Variants in SETD5 observed in about 807,000 individuals in gnomAD.
SETD5 encodes histone-lysine N-methyltransferase SETD5.
SETD5 carries 44 observed loss-of-function variants against 153.3 expected under a neutral mutation model. The observed-to-expected ratio is 0.29, with a 90% CI of 0.23 to 0.37. SETD5 has a LOEUF of 0.37. Ranked by LOEUF, SETD5 falls within the 10% of genes least tolerant of loss-of-function variation. SETD5 has a pLI of 1.00. For synonymous variants in SETD5, 716 were observed against 645.2 expected (o/e 1.11, Z -1.66); for missense variants, 1,544 against 1,768.0 (o/e 0.87, Z 2.27).
intron 19 of SETD5, among the ~76,000 whole-genome samples, chr3:9,471,317 C>T (rs1215708952): frequency 6.6e-6 from 1 of 152,196 alleles, no homozygotes; most frequent in East Asian, 1.9e-4. Context: ...AGTTGAGTAA[C>T]TTTCCCGTGG....
intron 7 of SETD5, among the ~76,000 whole-genome samples, chr3:9,437,235 T>C (rs1219199776): frequency 6.6e-6 from 1 of 152,156 alleles, no homozygotes; most frequent in African/African-American, 2.4e-5. Flanking sequence ...ATACAGGATC[T>C]CTTGTGCATC....
At chr3:9,398,359 T>C in intron 1 of SETD5, 1 of 152,182 alleles carries the variant, frequency 6.6e-6, no homozygotes. Context: ...CATACTTTTT[T>C]TCTCTCCCCG....
chr3:9,445,627 G>A, intron 12 of SETD5, 30 bp from the exon 13 acceptor site: 2 of 1,576,842 alleles, frequency 1.3e-6, no homozygotes, highest in Non-Finnish European at 1.7e-6. Flanking sequence ...CAGAGCTTGA[G>A]TACAGCTGAA....
At chr3:9,418,791 G>A (rs1440682146) in intron 1 of SETD5, among the ~76,000 whole-genome samples, 4 of 145,308 alleles carry the variant, frequency 2.8e-5, no homozygotes, top group East Asian at 2.0e-4. Context: ...CAACAAGAGC[G>A]AAACTCCGTC....
At chr3:9,452,331 C>G (rs560939873) in intron 16 of SETD5, among the ~76,000 whole-genome samples, 37 of 152,280 alleles carry the variant, frequency 2.4e-4, no homozygotes, top group Middle Eastern at 3.4e-3. Flanking sequence ...CACTCCTGAG[C>G]CTAATTTTTC....
intron 18 of SETD5, among the ~76,000 whole-genome samples, chr3:9,467,329 T>C (rs1219545337): frequency 6.7e-6 from 1 of 150,110 alleles, no homozygotes; most frequent in African/African-American, 2.5e-5. Context: ...GGTAAGAAGA[T>C]AAACAGTGGA....
intron 13 of SETD5, 67 bp downstream of exon 13, chr3:9,445,807 TG>T: frequency 8.7e-7 from 1 of 1,150,946 alleles, no homozygotes; most frequent in Non-Finnish European, 1.2e-6. Flanking sequence ...GAACCTCTTC[TG>T]TTCTCTTGAC....
rs1318240316 is a variant in SETD5 at position 9,447,526 on chromosome 3, G to GT, written c.1783-159dup. On this transcript the variant is annotated intron_variant, in intron 14 of 22. Transcript: ENST00000402198. The stretch of plus-strand genomic sequence containing the variant: ...TCGCTAGCCTCTTTAGCTCATTTAA[G>GT]TGTATACATTTTTGTATTTAAAAAT... Among the ~76,000 whole-genome samples, 4,410 of 152,236 alleles carry GT rather than the reference G, an allele frequency of 0.029. 207 individuals are homozygous for GT. Among genetic ancestry groups the GT allele is most frequent in the African/African-American group, 0.1 (4,163 of 41,530 alleles).
intron 7 of SETD5, among the ~76,000 whole-genome samples, chr3:9,439,744 C>T (rs572584460): frequency 1.3e-5 from 2 of 152,278 alleles, no homozygotes; most frequent in South Asian, 2.1e-4. Context: ...CAAAGTACCT[C>T]CTAGACATTT....
intron 2 of SETD5, among the ~76,000 whole-genome samples, chr3:9,428,286 A>G (rs1234863551): frequency 1.3e-5 from 2 of 152,218 alleles, no homozygotes. Flanking sequence ...GTTCAATGAC[A>G]AAAGAAGGCA....
In SETD5 at chr3:9,445,689, A is replaced by G. The variant is rs754872251; in HGVS notation, c.1473A>G (p.Glu491=). The change falls in exon 13 of 23, where the codon GAA becomes GAG. Residue 491 remains glutamate (E), a synonymous_variant. Transcript: ENST00000402198. ...EVDNPEEKPE[E]EKEEVIDDQE... ...ACAATCCAGAAGAAAAACCAGAAGA[A>G]GAGAAAGAAGAGGTTATAGATGACC... 3.1e-6 allele frequency: 5 copies of G among 1,613,778 alleles called. No homozygotes were observed. Among genetic ancestry groups the G allele is most frequent in the Non-Finnish European group, 4.2e-6 (5 of 1,179,754 alleles).
chr3:9,430,987 A>G (rs992293776), intron 3 of SETD5: 1 of 985,332 alleles, frequency 1.0e-6, no homozygotes, highest in African/African-American at 1.7e-5. Flanking sequence ...GTAACTAGCT[A>G]CATACCATTC....
At chr3:9,424,778 T>C (rs1229184288) in intron 2 of SETD5, among the ~76,000 whole-genome samples, 1 of 152,224 alleles carries the variant, frequency 6.6e-6, no homozygotes, top group African/African-American at 2.4e-5. Context: ...TTAGATGATC[T>C]GTTAAATGTT....
intron 8 of SETD5, 111 bp downstream of exon 8, chr3:9,440,809 A>G: frequency 1.5e-6 from 2 of 1,343,324 alleles, no homozygotes; most frequent in South Asian, 3.0e-5. Flanking sequence ...GCCATGGAAT[A>G]ACAGATTAGC....
intron 18 of SETD5, 118 bp downstream of exon 18, chr3:9,464,790 AAG>A: frequency 1.3e-6 from 2 of 1,519,728 alleles, no homozygotes; most frequent in Non-Finnish European, 1.8e-6. Context: ...CCATCTCAGT[AAG>A]AGAATGGGAA....
chr3:9,421,058 ATT>A (rs75431777), intron 1 of SETD5, among the ~76,000 whole-genome samples: 17 of 143,384 alleles, frequency 1.2e-4, no homozygotes, highest in Non-Finnish European at 7.7e-5. Context: ...CACAACAGGT[ATT>A]TTTTTTTTTT....
At chr3:9,455,904 C>T (rs778428699) in intron 17 of SETD5, among the ~76,000 whole-genome samples, 3 of 152,148 alleles carry the variant, frequency 2.0e-5, no homozygotes, top group Non-Finnish European at 4.4e-5. Context: ...CCTAGTCTAA[C>T]AGTGAGAAAC....
chr3:9,429,086 T>A, intron 3 of SETD5, 77 bp downstream of exon 3: 1 of 949,326 alleles, frequency 1.1e-6, no homozygotes, highest in Non-Finnish European at 1.6e-6. Flanking sequence ...GCTAATAGGA[T>A]AATATGTAGT....
rs754334071 is a variant in SETD5 at position 9,464,566 on chromosome 3, C to T, written c.2618C>T (p.Ser873Leu). 3 of 1,613,882 alleles carry T rather than the reference C, an allele frequency of 1.9e-6. No homozygotes were observed. The highest frequency in any genetic ancestry group is 1.7e-6 in the Non-Finnish European group (2 of 1,179,896). The stretch of plus-strand genomic sequence containing the variant: ...AGTCCCCAGCTGGCCACACCTGGCT[C>T]ATCTCACCCAGGAGAAGAGGAGTGT... ...SKSPQLATPG[S>L]SHPGEEECRN... Residue 873 changes from serine (S) to leucine (L), a missense_variant, in exon 18 of 23, where the codon TCA (serine) becomes TTA (leucine). Transcript: ENST00000402198.
Sources: gnomAD v4.1 joint callset for allele counts (sites outside exome capture counted in the v4.1 genomes callset) on GRCh38, gnomAD v4.1.1 for gene constraint, MANE v1.5 for transcripts, NCBI Gene and HGNC (gene_info 2026-07-23, HGNC 2026-07-21) for gene names.